The following CDH13 variants were observed in gnomAD, a reference collection of about 807,000 sequenced individuals.
The protein encoded by CDH13 is cadherin 13.
In CDH13, 24 loss-of-function variants were observed where a neutral mutation model predicts 63.8. The observed-to-expected ratio is 0.38, with a 90% CI of 0.27 to 0.53. The LOEUF (loss-of-function observed/expected upper bound fraction) is 0.53, where lower values mean the gene tolerates loss of function less well. Ranked by LOEUF, CDH13 falls within the 20% of genes least tolerant of loss-of-function variation. CDH13 has a pLI of 0.85. For missense variants in CDH13, 1,049 were observed against 903.1 expected (o/e 1.16, Z -2.07); for synonymous variants, 503 against 355.3 (o/e 1.42, Z -4.67).
At chr16:82,736,974 G>C (rs1382099360) in intron 1 of CDH13, among the ~76,000 whole-genome samples, 1 of 152,164 alleles carries the variant, frequency 6.6e-6, no homozygotes, top group Non-Finnish European at 1.5e-5. Flanking sequence ...TTCCTTTTCT[G>C]CCTCTCTGCA....
At chr16:83,306,064 G>T (rs2089869233) in intron 5 of CDH13, among the ~76,000 whole-genome samples, 1 of 152,194 alleles carries the variant, frequency 6.6e-6, no homozygotes, top group African/African-American at 2.4e-5. Flanking sequence ...CTAGATGGGT[G>T]TAGATACCTG....
At chr16:83,696,513 A>G (rs1469731689) in intron 10 of CDH13, among the ~76,000 whole-genome samples, 1 of 152,174 alleles carries the variant, frequency 6.6e-6, no homozygotes, top group African/African-American at 2.4e-5. Context: ...CAGGGAGTTC[A>G]CTGGGAGTGG....
intron 5 of CDH13, among the ~76,000 whole-genome samples, chr16:83,280,727 T>C (rs2089145048): frequency 6.6e-6 from 1 of 152,226 alleles, no homozygotes; most frequent in Non-Finnish European, 1.5e-5. Flanking sequence ...TTACAAAATG[T>C]CTTTTGAAAG....
intron 5 of CDH13, among the ~76,000 whole-genome samples, chr16:83,307,459 A>C (rs990013080): frequency 1.3e-5 from 2 of 152,158 alleles, no homozygotes; most frequent in African/African-American, 4.8e-5. Context: ...AGTGAATTGC[A>C]CTTGTCTGTA....
Position 83,581,696 on chromosome 16 carries a change from G to A in CDH13, c.961-20758G>A, listed in dbSNP as rs191223699. Among the ~76,000 whole-genome samples the A allele has an allele frequency of 2.8e-3, 431 of 152,276 alleles. 1 individual carries two copies. The highest frequency in any genetic ancestry group is 9.8e-3 in the African/African-American group (409 of 41,564). On this transcript the variant is annotated intron_variant, in intron 7 of 13. Transcript: ENST00000567109. ...TATCCAGGCGTAGGGGTATGCCCTT[G>A]TAGTCCCAGCTGCTAGGGAGACTGA...
At chr16:83,451,282 GT>G (rs1475453345) in intron 6 of CDH13, among the ~76,000 whole-genome samples, 4 of 152,166 alleles carry the variant, frequency 2.6e-5, no homozygotes, top group Non-Finnish European at 4.4e-5. Context: ...GAGGAGCAAA[GT>G]TACATCTTAC....
intron 11 of CDH13, among the ~76,000 whole-genome samples, chr16:83,751,280 G>C (rs1188980393): frequency 6.6e-6 from 1 of 152,092 alleles, no homozygotes; most frequent in Non-Finnish European, 1.5e-5. Context: ...TCACTCACTT[G>C]CCTCCAGAAT....
intron 1 of CDH13, among the ~76,000 whole-genome samples, chr16:82,842,278 G>A (rs1391944179): frequency 1.3e-5 from 2 of 150,508 alleles, no homozygotes; most frequent in East Asian, 3.9e-4. Context: ...TAATCATCAG[G>A]GTAGCTCAGT....
chr16:82,783,255 C>T (rs769931015), intron 1 of CDH13, among the ~76,000 whole-genome samples: 2 of 152,188 alleles, frequency 1.3e-5, no homozygotes, highest in Non-Finnish European at 2.9e-5. Flanking sequence ...AACAGGTGCT[C>T]CTAATAAATG....
intron 1 of CDH13, among the ~76,000 whole-genome samples, chr16:82,774,938 A>G (rs1352834204): frequency 6.6e-6 from 1 of 152,228 alleles, no homozygotes; most frequent in Non-Finnish European, 1.5e-5. Context: ...CTTGGCGGTT[A>G]AATGCTTTGA....
intron 2 of CDH13, among the ~76,000 whole-genome samples, chr16:82,889,304 C>T (rs2040998079): frequency 6.6e-6 from 1 of 151,022 alleles, no homozygotes; most frequent in East Asian, 1.9e-4. Flanking sequence ...TCTATTATCT[C>T]TCTCTCTCTC....
At chr16:83,365,866 C>T (rs995340356) in intron 6 of CDH13, among the ~76,000 whole-genome samples, 1 of 152,110 alleles carries the variant, frequency 6.6e-6, no homozygotes, top group African/African-American at 2.4e-5. Context: ...TCCATTCTGC[C>T]AGCACCCCAA....
intron 2 of CDH13, among the ~76,000 whole-genome samples, chr16:83,025,290 A>G (rs1166466013): frequency 6.6e-6 from 1 of 152,212 alleles, no homozygotes; most frequent in Non-Finnish European, 1.5e-5. Flanking sequence ...ATATTAGTCC[A>G]TTCTCATGCT....
intron 1 of CDH13, among the ~76,000 whole-genome samples, chr16:82,720,956 G>T (rs931747941): frequency 2.6e-5 from 4 of 152,318 alleles, no homozygotes; most frequent in South Asian, 2.1e-4. Context: ...CTGGAGAAGG[G>T]ATCAAGAACC....
At chr16:82,698,136 A>T (rs1366659069) in intron 1 of CDH13, among the ~76,000 whole-genome samples, 1 of 152,216 alleles carries the variant, frequency 6.6e-6, no homozygotes, top group Non-Finnish European at 1.5e-5. Flanking sequence ...TAGGCCTAGG[A>T]ATACCATGTT....
intron 7 of CDH13, among the ~76,000 whole-genome samples, chr16:83,588,635 AACCACAGGC>A (rs1316509873): frequency 6.6e-6 from 1 of 152,200 alleles, no homozygotes; most frequent in Non-Finnish European, 1.5e-5. Context: ...ACACATTGGA[AACCACAGGC>A]ACCAAAGGGA....
chr16:83,248,160 C>G (rs983635930), intron 5 of CDH13, among the ~76,000 whole-genome samples: 3 of 152,092 alleles, frequency 2.0e-5, no homozygotes, highest in Non-Finnish European at 2.9e-5. Flanking sequence ...CCACTCACAG[C>G]GCCAGAATGT....
intron 1 of CDH13, among the ~76,000 whole-genome samples, chr16:82,669,439 C>A (rs571024230): frequency 1.3e-5 from 2 of 152,228 alleles, no homozygotes; most frequent in South Asian, 2.1e-4. Flanking sequence ...TAGGACTTAC[C>A]CATTGAGCCT....
chr16:83,493,139 A>T (rs891596051), intron 7 of CDH13, among the ~76,000 whole-genome samples: 5 of 152,230 alleles, frequency 3.3e-5, no homozygotes, highest in African/African-American at 4.8e-5. Flanking sequence ...AAAAAATTCA[A>T]ATAAGATGTG....
Sources: gnomAD v4.1 joint callset for allele counts (sites outside exome capture counted in the v4.1 genomes callset) on GRCh38, gnomAD v4.1.1 for gene constraint, MANE v1.5 for transcripts, NCBI Gene and HGNC (gene_info 2026-07-23, HGNC 2026-07-21) for gene names.